The following EWSR1 variants were observed in gnomAD, a reference collection of about 807,000 sequenced individuals.
EWSR1 encodes EWS RNA binding protein 1, also known as RNA-binding protein EWS.
EWSR1 carries 14 observed loss-of-function variants against 92.1 expected under a neutral mutation model. That is an observed-to-expected ratio of 0.15 (90% CI 0.10 to 0.24). The LOEUF (loss-of-function observed/expected upper bound fraction) is 0.24, where lower values mean the gene tolerates loss of function less well. Among genes scored for constraint, EWSR1 ranks in the 10% least tolerant of loss-of-function variants. The probability of loss-of-function intolerance (pLI) is 1.00; values close to 1 mark genes in which losing one functional copy is unlikely to be tolerated. For missense variants in EWSR1, 637 were observed against 870.9 expected (o/e 0.73, Z 3.38); for synonymous variants, 303 against 292.9 (o/e 1.03, Z -0.35).
intron 4 of EWSR1, chr22:29,275,928 TTTTTTTG>T (rs1365957233): frequency 6.0e-5 from 12 of 199,028 alleles, no homozygotes; most frequent in African/African-American, 8.2e-5. Flanking sequence ...TGTTTTTTTG[TTTTTTTG>T]TTTTTTTTTT....
chr22:29,293,348 G>A (rs1243839316), intron 11 of EWSR1, among the ~76,000 whole-genome samples: 2 of 152,142 alleles, frequency 1.3e-5, no homozygotes, highest in South Asian at 2.1e-4. Flanking sequence ...TTCATAGCTA[G>A]TAACGCAGAT....
chr22:29,288,577 A>G lies in EWSR1; in HGVS notation c.794-29A>G, dbSNP rs762322850. 9 of 1,587,206 alleles carry G rather than the reference A, an allele frequency of 5.7e-6. No individual in the cohort carries two copies. The African/African-American group carries it at 9.5e-5, about 17-fold the overall frequency. ...CAGGCAGTGGTGTAAATGCTGGTCC[A>G]TGGCTTACAGATGTGACTCTTTCCT... On this transcript the variant is annotated intron_variant, in intron 7 of 16. Coordinates refer to ENST00000397938, the MANE Select transcript of EWSR1 (RefSeq NM_005243.4).
At chr22:29,291,347 AACCACACTGGTGTGT>A (rs2060427985) in intron 8 of EWSR1, 200 bp from the exon 9 acceptor site, 1 of 465,644 alleles carries the variant, frequency 2.1e-6, no homozygotes, top group Admixed American at 4.1e-5. Flanking sequence ...GAAAGGAACC[AACCACACTGGTGTGT>A]ACAATCAGAC....
At chr22:29,280,055 A>G (rs1345119699) in intron 5 of EWSR1, among the ~76,000 whole-genome samples, 1 of 151,776 alleles carries the variant, frequency 6.6e-6, no homozygotes, top group Non-Finnish European at 1.5e-5. Flanking sequence ...AGTACTTCAC[A>G]CCCTCTCTGG....
rs1053095435 is a variant in EWSR1 at position 29,282,771 on chromosome 22, T to C, written c.581+214T>C. The stretch of plus-strand genomic sequence containing the variant: ...AACTATTCTTTTTTCTTTTTTTTTT[T>C]TTTTCCCCCGAGACGGAGTCTCTCT... On this transcript the variant is annotated intron_variant, in intron 6 of 16. Coordinates refer to ENST00000397938, the MANE Select transcript of EWSR1 (RefSeq NM_005243.4). Among the ~76,000 whole-genome samples the C allele has an allele frequency of 2.6e-5, 4 of 151,404 alleles. No homozygotes were observed. In the East Asian group the frequency reaches 5.8e-4, roughly 22 times the overall value.
rs2061236614 is a variant in EWSR1 at position 29,300,135 on chromosome 22, CAGG to C, written c.1948_1950del (p.Glu650del). The C allele has an allele frequency of 2.5e-6, 4 of 1,603,240 alleles. No homozygotes were observed. The highest frequency in any genetic ancestry group is 3.4e-6 in the Non-Finnish European group (4 of 1,177,736). ...TTTACCTTGCAGAGGCGAGCACCGT[CAGG>C]AGCGCAGAGATCGGCCCTACTAGAT... On this transcript the variant is annotated inframe_deletion, in exon 17 of 17. Coordinates refer to ENST00000397938, the MANE Select transcript of EWSR1 (RefSeq NM_005243.4).
chr22:29,292,589 C>A lies in EWSR1; in HGVS notation c.1147C>A (p.Gln383Lys). Reference protein sequence around the residue: ...TLDDLADFFKQCGVVKMNKRT... With the variant: ...TLDDLADFFKKCGVVKMNKRT... ...AGATGATCTGGCAGACTTCTTTAAG[C>A]AGTGTGGGGTTGTTAAGGTCAGTAA... is the stretch of plus-strand genomic sequence containing the variant. The change falls in exon 11 of 17, where the codon CAG becomes AAG. Residue 383 changes from glutamine to lysine, a missense_variant. This residue lies in a region of EWSR1 where 363 missense variants were observed against 447.8 expected (regional missense o/e 0.81). Coordinates refer to ENST00000397938, the MANE Select transcript of EWSR1 (RefSeq NM_005243.4). 1 of 1,612,264 alleles carries A rather than the reference C, an allele frequency of 6.2e-7. No homozygotes were observed. Among genetic ancestry groups the A allele is most frequent in the Non-Finnish European group, 8.5e-7 (1 of 1,178,426 alleles).
chr22:29,277,400 G>A (rs1410668726), intron 4 of EWSR1: 3 of 222,022 alleles, frequency 1.4e-5, no homozygotes, highest in Middle Eastern at 1.4e-3. Flanking sequence ...TACAAAAAAA[G>A]GATAAACTGT....
chr22:29,298,546 T>G (rs930496184), intron 13 of EWSR1, among the ~76,000 whole-genome samples, 187 bp from the exon 14 acceptor site: 1 of 150,842 alleles, frequency 6.6e-6, no homozygotes, highest in Admixed American at 6.6e-5. Flanking sequence ...TCTGTTTCTG[T>G]AGAGCACGTG....
chr22:29,285,639 T>C (rs1713707280), intron 6 of EWSR1, among the ~76,000 whole-genome samples: 1 of 151,284 alleles, frequency 6.6e-6, no homozygotes, highest in South Asian at 2.1e-4. Context: ...TTGTGTTGAG[T>C]ACCCTTATCC....
rs60927939 is a variant in EWSR1 at position 29,275,226 on chromosome 22, C to G, written c.226+1362C>G. On this transcript the variant is annotated intron_variant, in intron 4 of 16. Coordinates refer to ENST00000397938, the MANE Select transcript of EWSR1 (RefSeq NM_005243.4). ...TGAGATAAACTTCATGTATTAAAGC[C>G]ATTACATTTTTTAAAACAAGCATGA... 9.8e-3 allele frequency among the ~76,000 whole-genome samples: 1,489 copies of G among 152,196 alleles called. 24 individuals carry two copies. The highest frequency in any genetic ancestry group is 0.034 in the African/African-American group (1,429 of 41,500).
At chr22:29,278,579 C>T (rs1476452495) in intron 5 of EWSR1, among the ~76,000 whole-genome samples, 2 of 152,100 alleles carry the variant, frequency 1.3e-5, no homozygotes, top group African/African-American at 2.4e-5. Context: ...AATCCCAGCA[C>T]TTTGGGAGGC....
rs572876953 is a variant in EWSR1, at chr22:29,298,988, G to A, written c.1580+93G>A. On this transcript the variant is annotated intron_variant, in intron 14 of 16. Coordinates refer to ENST00000397938, the MANE Select transcript of EWSR1 (RefSeq NM_005243.4). ...TCTAGAGTGGATTGCTCTGTCTAGA[G>A]GAACAGAATGATGACCCTGATGGCT... 1.7e-5 allele frequency: 24 copies of A among 1,412,978 alleles called. No individual in the cohort carries two copies. The East Asian group carries it at 5.1e-4, about 30-fold the overall frequency. 87.5% of individuals were successfully genotyped at this position (1,412,978 alleles called of 1,614,324 possible).
chr22:29,278,779 C>T (rs1044638313), intron 5 of EWSR1, among the ~76,000 whole-genome samples: 1 of 150,090 alleles, frequency 6.7e-6, no homozygotes, highest in Non-Finnish European at 1.5e-5. Flanking sequence ...GAGCTGAGAT[C>T]GCTCCACTGC....
At chr22:29,277,988 C>T in intron 4 of EWSR1, 42 bp from the exon 5 acceptor site, 1 of 1,585,460 alleles carries the variant, frequency 6.3e-7, no homozygotes, top group Non-Finnish European at 8.6e-7. Flanking sequence ...AGGCAGATCT[C>T]TGAGGGGACC....
chr22:29,276,156 T>A (rs2059106538), intron 4 of EWSR1: 1 of 231,366 alleles, frequency 4.3e-6, no homozygotes, highest in Non-Finnish European at 8.5e-6. Context: ...ATTGCCCTCC[T>A]TGTAAATCTT....
At chr22:29,289,229 G>A (rs899583460) in intron 8 of EWSR1, 1 of 234,412 alleles carries the variant, frequency 4.3e-6, no homozygotes, top group African/African-American at 2.2e-5. Context: ...CCCAACTTCT[G>A]TTTGTACTCA....
intron 8 of EWSR1, chr22:29,290,874 C>G (rs2060391232): frequency 3.9e-6 from 1 of 255,328 alleles, no homozygotes; most frequent in African/African-American, 2.2e-5. Flanking sequence ...ATTCATATTT[C>G]CCTCTCCCCT....
chr22:29,279,132 A>AGTGT (rs113678944), intron 5 of EWSR1, among the ~76,000 whole-genome samples: 10 of 151,482 alleles, frequency 6.6e-5, no homozygotes, highest in Non-Finnish European at 8.8e-5. Context: ...AGAGAGAGAG[A>AGTGT]GTGTGTGTGT....
Sources: allele counts gnomAD v4.1 joint callset (sites outside exome capture counted in the v4.1 genomes callset), GRCh38; gene constraint gnomAD v4.1.1; regional missense constraint gnomAD v4.1.1; transcripts MANE v1.5; gene names NCBI Gene and HGNC (gene_info 2026-07-23, HGNC 2026-07-21).